The following CBFA2T2 variants were observed in gnomAD, a reference collection of about 807,000 sequenced individuals.
The protein encoded by CBFA2T2 is CBFA2/RUNX1 partner transcriptional co-repressor 2, also known as protein CBFA2T2.
Under a neutral mutation model 62.2 loss-of-function variants are expected in CBFA2T2, and 11 were observed. The ratio of observed to expected loss-of-function variants is 0.18; its 90% CI spans 0.11 to 0.29. The LOEUF is 0.29. Among genes scored for constraint, CBFA2T2 ranks in the 10% least tolerant of loss-of-function variants. CBFA2T2 has a pLI of 1.00. For missense variants in CBFA2T2, 592 were observed against 774.1 expected, an observed-to-expected ratio of 0.76 and a Z score of 2.79; for synonymous variants, 295 against 287.5, an observed-to-expected ratio of 1.03 and a Z score of -0.27.
intron 8 of CBFA2T2, among the ~76,000 whole-genome samples, chr20:33,634,670 CAAAAAAAA>C (rs758089440): frequency 2.7e-4 from 13 of 47,924 alleles, no homozygotes; most frequent in East Asian, 7.7e-4. Context: ...ACCCTATGTC[CAAAAAAAA>C]AAAAAAAAAA....
intron 1 of CBFA2T2, among the ~76,000 whole-genome samples, chr20:33,592,405 TTA>T (rs540303628): frequency 1.4e-5 from 2 of 146,676 alleles, no homozygotes; most frequent in South Asian, 2.1e-4. Flanking sequence ...TATGTAAAAA[TTA>T]TATATATAAT....
chr20:33,563,783 A>G (rs2013180772), intron 1 of CBFA2T2, among the ~76,000 whole-genome samples: 1 of 152,116 alleles, frequency 6.6e-6, no homozygotes, highest in South Asian at 2.1e-4. Flanking sequence ...TTTTGCTGCG[A>G]TAGATTCCTA....
At chr20:33,616,726 C>CAA (rs369489789) in intron 3 of CBFA2T2, among the ~76,000 whole-genome samples, 4 of 124,516 alleles carry the variant, frequency 3.2e-5, no homozygotes, top group Non-Finnish European at 5.2e-5. Context: ...GACTGTGTCT[C>CAA]AAAAAAAAAA....
rs142409831 is a variant in CBFA2T2, at chr20:33,595,307, G to A, written c.35-11649G>A. On this transcript the variant is annotated intron_variant, in intron 1 of 10. Transcript: ENST00000342704. ...GCTCACTGCAACCTCTGCCTCCTGG[G>A]TTCATGTGATTCTCCAGTCTCAGCC... 4.6e-3 allele frequency among the ~76,000 whole-genome samples: 697 copies of A among 152,166 alleles called. 4 individuals are homozygous for A. The highest frequency in any genetic ancestry group is 0.014 in the Middle Eastern group (4 of 294).
chr20:33,552,570 G>C (rs544199456), intron 1 of CBFA2T2, among the ~76,000 whole-genome samples: 80 of 152,212 alleles, frequency 5.3e-4, no homozygotes, highest in African/African-American at 1.4e-3. Flanking sequence ...ATTTTTTTGA[G>C]CATTGTTAAA....
intron 10 of CBFA2T2, among the ~76,000 whole-genome samples, chr20:33,642,165 G>GTGT (rs1568875429): frequency 1.5e-5 from 2 of 129,812 alleles, no homozygotes; most frequent in African/African-American, 5.7e-5. Context: ...TGTGTGTGTG[G>GTGT]ATAACAGGGT....
chr20:33,583,459 A>T (rs1466407384), intron 1 of CBFA2T2, among the ~76,000 whole-genome samples: 2 of 152,200 alleles, frequency 1.3e-5, no homozygotes, highest in African/African-American at 4.8e-5. Flanking sequence ...ATTTGGGGAG[A>T]TGAAATGATT....
chr20:33,649,806 G>A lies in CBFA2T2; in HGVS notation c.*5160G>A, dbSNP rs939136936. On this transcript the variant is annotated 3_prime_UTR_variant, in exon 11 of 11. Coordinates refer to ENST00000342704, the MANE Select transcript of CBFA2T2 (RefSeq NM_001032999.3). ...CCAATAATGTAAATAAATAGAAAAC[G>A]AAGCCTCCACGCGTGGTTTTTAAAG... is the stretch of plus-strand genomic sequence containing the variant. The A allele has an allele frequency of 6.6e-6, 1 of 152,468 alleles. No homozygotes were observed. The allele number at this position is 152,468 out of a possible 1,614,324, so 9.4% of individuals were successfully genotyped here.
At chr20:33,610,750 T>C (rs547416644) in intron 2 of CBFA2T2, among the ~76,000 whole-genome samples, 23 of 152,242 alleles carry the variant, frequency 1.5e-4, no homozygotes, top group Non-Finnish European at 2.6e-4. Flanking sequence ...GGCATGAGTA[T>C]CCCATCACTG....
At chr20:33,619,960 G>A (rs778356345) in intron 4 of CBFA2T2, among the ~76,000 whole-genome samples, 2 of 152,168 alleles carry the variant, frequency 1.3e-5, no homozygotes, top group African/African-American at 2.4e-5. Context: ...AGTGTGAAGA[G>A]TGTTGTCTGA....
chr20:33,541,869 GGTTTTT>G (rs200248701), intron 1 of CBFA2T2, among the ~76,000 whole-genome samples: 4,111 of 152,078 alleles, frequency 0.027, 96 homozygotes, highest in Middle Eastern at 0.044. Context: ...TAGTGCTACA[GGTTTTT>G]GTTTTTGTTT....
intron 10 of CBFA2T2, among the ~76,000 whole-genome samples, chr20:33,641,158 G>A (rs989865010): frequency 6.6e-5 from 10 of 151,852 alleles, no homozygotes; most frequent in African/African-American, 1.9e-4. Context: ...TCAGCCTCCC[G>A]AGCAGCTGGG....
intron 3 of CBFA2T2, among the ~76,000 whole-genome samples, chr20:33,613,836 T>A (rs931935101): frequency 2.0e-5 from 3 of 152,170 alleles, no homozygotes; most frequent in African/African-American, 7.2e-5. Context: ...AGCTTGAACA[T>A]AATTGGAAAC....
rs1360296983 is a variant in CBFA2T2, at chr20:33,645,561, ATC to A, written c.*920_*921del. ...CAGTCATCTTGTTCTGTGTCCTTTT[ATC>A]TCTCAGACCACACACATCTGGAACG... On this transcript the variant is annotated 3_prime_UTR_variant, in exon 11 of 11. Coordinates refer to ENST00000342704, the MANE Select transcript of CBFA2T2 (RefSeq NM_001032999.3). The A allele has an allele frequency of 6.6e-6, 1 of 152,078 alleles. No individual in the cohort carries two copies. The highest frequency in any genetic ancestry group is 1.5e-5 in the Non-Finnish European group (1 of 68,010). The allele number at this position is 152,078 out of a possible 1,614,324, so 9.4% of individuals were successfully genotyped here.
Position 33,574,263 on chromosome 20 carries a change from T to C in CBFA2T2, c.35-32693T>C. On this transcript the variant is annotated intron_variant, in intron 1 of 10. Transcript: ENST00000342704. ...AGGTCCTGGCAAGGCAATGGAAAGG[T>C]ATGTGTGAAACATTCATTTCTAATA... is the stretch of plus-strand genomic sequence containing the variant. 1 of 1,612,134 alleles carries C rather than the reference T, an allele frequency of 6.2e-7. No homozygotes were observed. Among genetic ancestry groups the C allele is most frequent in the East Asian group, 2.2e-5 (1 of 44,818 alleles).
At chr20:33,572,422 AT>A (rs1321702084) in intron 1 of CBFA2T2, among the ~76,000 whole-genome samples, 1 of 152,250 alleles carries the variant, frequency 6.6e-6, no homozygotes, top group Non-Finnish European at 1.5e-5. Flanking sequence ...TATTAACAGA[AT>A]TATTTGAATA....
chr20:33,582,938 T>TAA (rs1179723293), intron 1 of CBFA2T2, among the ~76,000 whole-genome samples: 6 of 141,088 alleles, frequency 4.3e-5, no homozygotes, highest in Admixed American at 1.4e-4. Flanking sequence ...CAAGACAGTC[T>TAA]AAAAAAAAAA....
At chr20:33,570,269 G>T (rs931150970) in intron 1 of CBFA2T2, among the ~76,000 whole-genome samples, 1 of 151,470 alleles carries the variant, frequency 6.6e-6, no homozygotes, top group African/African-American at 2.4e-5. Context: ...TGACAAGAGC[G>T]AGACTCCATC....
At chr20:33,584,898 T>G (rs959877465) in intron 1 of CBFA2T2, among the ~76,000 whole-genome samples, 4 of 152,148 alleles carry the variant, frequency 2.6e-5, no homozygotes, top group Non-Finnish European at 2.9e-5. Flanking sequence ...CAGGGTAACT[T>G]AGATGCCTTT....
Sources: gnomAD v4.1 joint callset for allele counts (sites outside exome capture counted in the v4.1 genomes callset) on GRCh38, gnomAD v4.1.1 for gene constraint, MANE v1.5 for transcripts, NCBI Gene and HGNC (gene_info 2026-07-23, HGNC 2026-07-21) for gene names.